The following MSRA variants were observed in gnomAD, a reference collection of about 807,000 sequenced individuals.
The protein encoded by MSRA is methionine sulfoxide reductase A.
Under a neutral mutation model 31.3 loss-of-function variants are expected in MSRA, and 54 were observed. The observed-to-expected ratio is 1.73, with a 90% CI of 1.39 to 2.17. The LOEUF is 2.17. Ranked by LOEUF, MSRA falls within the 30% of genes most tolerant of loss-of-function variation. The pLI is 0.00. For missense variants in MSRA, 507 were observed against 300.9 expected (o/e 1.69, Z -5.07); for synonymous variants, 169 against 116.5 (o/e 1.45, Z -2.90).
chr8:10,344,101 C>T (rs114650862), intron 5 of MSRA, among the ~76,000 whole-genome samples: 2 of 152,206 alleles, frequency 1.3e-5, no homozygotes, highest in Admixed American at 6.5e-5. Context: ...GCTTCTCCCT[C>T]TTGCTAAGGA....
At chr8:10,275,602 G>A (rs1799279722) in intron 3 of MSRA, among the ~76,000 whole-genome samples, 1 of 152,160 alleles carries the variant, frequency 6.6e-6, no homozygotes, top group South Asian at 2.1e-4. Context: ...ATAGTAAAAA[G>A]CAAGAGATGG....
chr8:10,280,330 T>C (rs986780489), intron 3 of MSRA, among the ~76,000 whole-genome samples: 1 of 150,752 alleles, frequency 6.6e-6, no homozygotes, highest in Non-Finnish European at 1.5e-5. Context: ...TAACTTATTT[T>C]GTTGATATTT....
chr8:10,221,088 A>G (rs982430673), intron 2 of MSRA, among the ~76,000 whole-genome samples: 6 of 152,338 alleles, frequency 3.9e-5, no homozygotes, highest in East Asian at 3.9e-4. Context: ...GGAAAGCCCA[A>G]TAGCATGGAG....
chr8:10,350,906 G>A (rs1040864923), intron 5 of MSRA, among the ~76,000 whole-genome samples: 8 of 152,312 alleles, frequency 5.3e-5, no homozygotes, highest in East Asian at 1.9e-4. Context: ...GTCCAAGGCC[G>A]CCAGAGGGCT....
chr8:10,099,088 C>T (rs764560293), intron 1 of MSRA, among the ~76,000 whole-genome samples: 1 of 151,194 alleles, frequency 6.6e-6, no homozygotes, highest in Non-Finnish European at 1.5e-5. Context: ...TCTAGTGGTT[C>T]GTGTGTGTGT....
intron 5 of MSRA, among the ~76,000 whole-genome samples, chr8:10,403,294 G>A (rs1487736310): frequency 6.6e-6 from 1 of 152,168 alleles, no homozygotes; most frequent in East Asian, 1.9e-4. Flanking sequence ...TGATGTCCCA[G>A]GAGAAAAATG....
intron 1 of MSRA, among the ~76,000 whole-genome samples, chr8:10,158,826 T>A (rs1804396183): frequency 6.6e-6 from 1 of 152,216 alleles, no homozygotes; most frequent in East Asian, 1.9e-4. Context: ...CTAAAGTAGG[T>A]GTGCTATTTT....
chr8:10,205,472 T>A (rs892595884), intron 1 of MSRA, among the ~76,000 whole-genome samples: 1 of 152,038 alleles, frequency 6.6e-6, no homozygotes, highest in Non-Finnish European at 1.5e-5. Flanking sequence ...TGGTTTGGGA[T>A]GGGAGGACAT....
chr8:10,281,145 G>A (rs1440885020), intron 3 of MSRA, among the ~76,000 whole-genome samples: 1 of 152,180 alleles, frequency 6.6e-6, no homozygotes, highest in East Asian at 1.9e-4. Context: ...TAGGTGGATT[G>A]TATAGTATGT....
intron 1 of MSRA, among the ~76,000 whole-genome samples, chr8:10,068,578 G>A (rs796889775): frequency 1.1e-4 from 16 of 152,244 alleles, no homozygotes; most frequent in African/African-American, 2.6e-4. Context: ...TTTCTCCATC[G>A]TATTGCCTTT....
chr8:10,072,822 G>A (rs1222757910), intron 1 of MSRA, among the ~76,000 whole-genome samples: 1 of 152,114 alleles, frequency 6.6e-6, no homozygotes, highest in Non-Finnish European at 1.5e-5. Context: ...TGTTTGCTAT[G>A]TTCATACCTA....
In MSRA at chr8:10,232,553, A is replaced by C. The variant is rs140712572; in HGVS notation, c.212-12551A>C. ...TAGAGAATCACATTTGAACAATCAC[A>C]ATCACAGATCTTTACCAGTCAGGTC... On this transcript the variant is annotated intron_variant, in intron 2 of 5. Transcript: ENST00000317173. Among the ~76,000 whole-genome samples the C allele has an allele frequency of 1.9e-3, 295 of 152,350 alleles. 2 individuals are homozygous for C. Among genetic ancestry groups the C allele is most frequent in the African/African-American group, 6.8e-3 (284 of 41,582 alleles).
chr8:10,093,516 CT>C (rs1312101546), intron 1 of MSRA, among the ~76,000 whole-genome samples: 8 of 152,208 alleles, frequency 5.3e-5, no homozygotes, highest in African/African-American at 1.7e-4. Flanking sequence ...AGATTGTGTG[CT>C]TTTCAACATA....
At chr8:10,374,946 C>G (rs1322503893) in intron 5 of MSRA, among the ~76,000 whole-genome samples, 2 of 152,160 alleles carry the variant, frequency 1.3e-5, no homozygotes, top group African/African-American at 4.8e-5. Context: ...CCCTCCTCCT[C>G]TCTCTCTTGC....
rs78182415 is a variant in MSRA at position 10,247,631 on chromosome 8, C to T, written c.331+2408C>T. On this transcript the variant is annotated intron_variant, in intron 3 of 5. Coordinates refer to ENST00000317173, the MANE Select transcript of MSRA (RefSeq NM_012331.5). Reference sequence around the variant, plus strand: ...GGAAACCACAGAGACTGGTAAAGAACTCGATTGGATATGAACACTACCTGC... The same window carrying T: ...GGAAACCACAGAGACTGGTAAAGAATTCGATTGGATATGAACACTACCTGC... Among the ~76,000 whole-genome samples the T allele has an allele frequency of 8.0e-3, 1,210 of 152,194 alleles. 11 individuals carry two copies. The highest frequency in any genetic ancestry group is 0.044 in the South Asian group (213 of 4,802).
At chr8:10,234,096 A>AT (rs1811730841) in intron 2 of MSRA, among the ~76,000 whole-genome samples, 1 of 152,178 alleles carries the variant, frequency 6.6e-6, no homozygotes, top group Non-Finnish European at 1.5e-5. Context: ...AATATTTCAG[A>AT]TATAAAAAGA....
chr8:10,419,546 C>A (rs772035715), intron 5 of MSRA, among the ~76,000 whole-genome samples: 1 of 152,170 alleles, frequency 6.6e-6, no homozygotes, highest in Non-Finnish European at 1.5e-5. Flanking sequence ...AAGAGAGGCA[C>A]CCTGCAATCC....
intron 1 of MSRA, among the ~76,000 whole-genome samples, chr8:10,151,202 C>T (rs1343043421): frequency 6.9e-6 from 1 of 144,020 alleles, no homozygotes; most frequent in Non-Finnish European, 1.5e-5. Context: ...TGGGGAGGCG[C>T]AGTGAGCCAA....
intron 1 of MSRA, among the ~76,000 whole-genome samples, chr8:10,164,161 A>G (rs1041034286): frequency 5.3e-5 from 8 of 152,234 alleles, no homozygotes; most frequent in Admixed American, 5.2e-4. Context: ...AACTGGACCT[A>G]AAGAGAAAAG....
Sources: gnomAD v4.1 joint callset for allele counts (sites outside exome capture counted in the v4.1 genomes callset) on GRCh38, gnomAD v4.1.1 for gene constraint, MANE v1.5 for transcripts, NCBI Gene and HGNC (gene_info 2026-07-23, HGNC 2026-07-21) for gene names.